IKZF3: variants seen among roughly 807,000 people sequenced by gnomAD.
The protein encoded by IKZF3 is zinc finger protein Aiolos.
Under a neutral mutation model 49.0 loss-of-function variants are expected in IKZF3, and 10 were observed. The ratio of observed to expected loss-of-function variants is 0.20; its 90% CI spans 0.13 to 0.35. The LOEUF is 0.35. Among genes scored for constraint, IKZF3 ranks in the 10% least tolerant of loss-of-function variants. IKZF3 has a pLI of 1.00. For synonymous variants in IKZF3, 209 were observed against 228.2 expected (o/e 0.92, Z 0.76); for missense variants, 498 against 664.8 (o/e 0.75, Z 2.76).
chr17:39,773,095 G>A (rs1354467160), intron 7 of IKZF3, among the ~76,000 whole-genome samples: 1 of 152,226 alleles, frequency 6.6e-6, no homozygotes, highest in African/African-American at 2.4e-5. Context: ...AATTACAGGT[G>A]TGAGCCACTG....
chr17:39,822,095 T>C (rs755075399), intron 3 of IKZF3, among the ~76,000 whole-genome samples: 10 of 152,158 alleles, frequency 6.6e-5, no homozygotes, highest in African/African-American at 2.4e-4. Flanking sequence ...ATAAGGTCTA[T>C]TTACCCTGAG....
intron 3 of IKZF3, among the ~76,000 whole-genome samples, chr17:39,828,826 C>T (rs116960191): frequency 0.03 from 4,612 of 151,998 alleles, 94 homozygotes; most frequent in Non-Finnish European, 0.045. Context: ...GGTAAAACTC[C>T]GTCTCTATTA....
intron 3 of IKZF3, among the ~76,000 whole-genome samples, chr17:39,824,788 C>G (rs936231738): frequency 6.6e-6 from 1 of 151,958 alleles, no homozygotes; most frequent in Non-Finnish European, 1.5e-5. Flanking sequence ...CTCTGCCTCC[C>G]AGGTTCACGC....
At chr17:39,863,822 A>C (rs933657863) in intron 1 of IKZF3, among the ~76,000 whole-genome samples, 12 of 152,122 alleles carry the variant, frequency 7.9e-5, no homozygotes, top group African/African-American at 2.7e-4. Context: ...ATTTGCAGCC[A>C]TTTCAGGGAC....
chr17:39,836,281 A>ACTG (rs1416399183), intron 1 of IKZF3, among the ~76,000 whole-genome samples: 1 of 152,084 alleles, frequency 6.6e-6, no homozygotes, highest in Non-Finnish European at 1.5e-5. Context: ...CACCCTGGAC[A>ACTG]CTGCTGCTGC....
intron 3 of IKZF3, among the ~76,000 whole-genome samples, chr17:39,823,248 T>A (rs1297619166): frequency 6.6e-6 from 1 of 152,176 alleles, no homozygotes; most frequent in African/African-American, 2.4e-5. Flanking sequence ...ACTTTTGCTA[T>A]GCTTCAGCAA....
At chr17:39,815,832 C>T (rs1020754591) in intron 3 of IKZF3, among the ~76,000 whole-genome samples, 2 of 152,200 alleles carry the variant, frequency 1.3e-5, no homozygotes, top group African/African-American at 4.8e-5. Flanking sequence ...ATTTCTTCTG[C>T]TTTCCAAACT....
chr17:39,791,831 C>T (rs1468104448), intron 4 of IKZF3, among the ~76,000 whole-genome samples: 1 of 151,142 alleles, frequency 6.6e-6, no homozygotes, highest in Admixed American at 6.6e-5. Flanking sequence ...ACAAGAGCAG[C>T]TCTAGAAGTG....
chr17:39,824,505 G>A (rs2061904219), intron 3 of IKZF3, among the ~76,000 whole-genome samples: 2 of 152,024 alleles, frequency 1.3e-5, no homozygotes, highest in African/African-American at 4.8e-5. Context: ...TTTGAATGGG[G>A]GCCAGGGCAG....
At chr17:39,845,491 TC>T (rs1473650148) in intron 1 of IKZF3, among the ~76,000 whole-genome samples, 2 of 146,290 alleles carry the variant, frequency 1.4e-5, no homozygotes, top group Admixed American at 7.0e-5. Context: ...CCCGTTGCAC[TC>T]CAGCCTGGGC....
intron 1 of IKZF3, among the ~76,000 whole-genome samples, chr17:39,855,076 T>A (rs2062998588): frequency 6.6e-6 from 1 of 152,094 alleles, no homozygotes; most frequent in African/African-American, 2.4e-5. Flanking sequence ...TCAAAATGTG[T>A]TTTATGGAAT....
At position 39,832,099 on chromosome 17, in the gene IKZF3, T is replaced by A; in HGVS notation, c.60A>T (p.Ala20=). The change falls in exon 2 of 8, where the codon GCA becomes GCT. Residue 20 remains alanine, a splice_region_variant and synonymous_variant. Transcript: ENST00000346872. ...CAGAGAGGAAAGACCTGATGTTACCTGCGGGCACAGACTGCTCCTGAGTGC... is the reference window on the plus strand; with the variant it reads ...CAGAGAGGAAAGACCTGATGTTACCAGCGGGCACAGACTGCTCCTGAGTGC... ...LKSTQEQSVP[A]ESAAVLNDYS... 6.2e-7 allele frequency: 1 copy of A among 1,610,238 alleles called. No homozygotes were observed. Among genetic ancestry groups the A allele is most frequent in the Non-Finnish European group, 8.5e-7 (1 of 1,176,924 alleles).
chr17:39,798,599 G>A (rs973859718), intron 3 of IKZF3, among the ~76,000 whole-genome samples: 7 of 151,032 alleles, frequency 4.6e-5, no homozygotes, highest in African/African-American at 1.5e-4. Context: ...TCTGCCTCCC[G>A]GGTTCATGCC....
intron 1 of IKZF3, among the ~76,000 whole-genome samples, chr17:39,858,638 G>A (rs1044879593): frequency 6.6e-6 from 1 of 151,860 alleles, no homozygotes; most frequent in Admixed American, 6.6e-5. Context: ...AGCCTCCCGA[G>A]TAGCTGGGAC....
At chr17:39,812,359 C>A (rs1360194059) in intron 3 of IKZF3, among the ~76,000 whole-genome samples, 1 of 152,124 alleles carries the variant, frequency 6.6e-6, no homozygotes, top group African/African-American at 2.4e-5. Context: ...TTCTGATGAG[C>A]CAGGACAGGA....
chr17:39,779,562 A>T (rs1355560067), intron 6 of IKZF3, among the ~76,000 whole-genome samples: 2 of 152,136 alleles, frequency 1.3e-5, no homozygotes, highest in Non-Finnish European at 2.9e-5. Flanking sequence ...TGAACCAGGG[A>T]TCAGCAAACT....
At chr17:39,784,490 A>G (rs1174832355) in intron 6 of IKZF3, among the ~76,000 whole-genome samples, 1 of 149,460 alleles carries the variant, frequency 6.7e-6, no homozygotes, top group African/African-American at 2.5e-5. Flanking sequence ...TGCAACCTCC[A>G]CCTCCTGGAT....
chr17:39,796,106 T>C (rs2061156041), intron 3 of IKZF3, among the ~76,000 whole-genome samples: 4 of 152,204 alleles, frequency 2.6e-5, no homozygotes, highest in Admixed American at 2.6e-4. Context: ...CTGAGAGATA[T>C]TAGGCTTAGT....
At chr17:39,812,328 A>G (rs1053369374) in intron 3 of IKZF3, among the ~76,000 whole-genome samples, 1 of 152,200 alleles carries the variant, frequency 6.6e-6, no homozygotes, top group Non-Finnish European at 1.5e-5. Context: ...TTGGGCTGAC[A>G]AATTACAAAA....
Sources: allele counts gnomAD v4.1 joint callset (sites outside exome capture counted in the v4.1 genomes callset), GRCh38; gene constraint gnomAD v4.1.1; transcripts MANE v1.5; gene names NCBI Gene and HGNC (gene_info 2026-07-23, HGNC 2026-07-21).